Variants in GRXCR1 observed in about 807,000 individuals in gnomAD.
GRXCR1 encodes the protein glutaredoxin domain-containing cysteine-rich protein 1.
A neutral mutation model predicts 27.3 loss-of-function variants in GRXCR1; 27 were observed. The ratio of observed to expected loss-of-function variants is 0.99; its 90% CI spans 0.73 to 1.37. The LOEUF is 1.37. Ranked by LOEUF, GRXCR1 falls within the 40% of genes most tolerant of loss-of-function variation. The probability of loss-of-function intolerance (pLI) is 0.00; values close to 1 mark genes in which losing one functional copy is unlikely to be tolerated. For missense variants in GRXCR1, 379 were observed against 354.4 expected, an observed-to-expected ratio of 1.07 and a Z score of -0.56; for synonymous variants, 122 against 131.1, an observed-to-expected ratio of 0.93 and a Z score of 0.47.
At chr4:42,993,755 A>C (rs1346354017) in intron 2 of GRXCR1, among the ~76,000 whole-genome samples, 1 of 152,172 alleles carries the variant, frequency 6.6e-6, no homozygotes, top group Non-Finnish European at 1.5e-5. Flanking sequence ...AGAAAAGTCA[A>C]AAAATTGTAA....
chr4:42,969,394 C>T (rs1484559371), intron 2 of GRXCR1, among the ~76,000 whole-genome samples: 1 of 152,086 alleles, frequency 6.6e-6, no homozygotes, highest in Non-Finnish European at 1.5e-5. Context: ...TTAATTGACT[C>T]ACAGTCCTGC....
chr4:43,019,919 A>G (rs1337063532), intron 2 of GRXCR1, among the ~76,000 whole-genome samples: 1 of 152,190 alleles, frequency 6.6e-6, no homozygotes. Context: ...AGCTGCTGCT[A>G]TCTTTACATG....
chr4:42,993,680 C>T (rs564067565), intron 2 of GRXCR1, among the ~76,000 whole-genome samples: 8 of 152,062 alleles, frequency 5.3e-5, no homozygotes, highest in South Asian at 4.2e-4. Flanking sequence ...AAGTGAAAAG[C>T]GTAATCGGGT....
chr4:42,997,371 C>T (rs1306870998), intron 2 of GRXCR1, among the ~76,000 whole-genome samples: 2 of 151,944 alleles, frequency 1.3e-5, no homozygotes, highest in Non-Finnish European at 2.9e-5. Flanking sequence ...AGTGTCCTGG[C>T]TAATATTCAA....
chr4:42,988,332 T>C (rs1330602216), intron 2 of GRXCR1, among the ~76,000 whole-genome samples: 4 of 152,210 alleles, frequency 2.6e-5, no homozygotes, highest in Admixed American at 2.6e-4. Context: ...ACACCACATT[T>C]CCGTCATTTC....
chr4:42,927,799 T>C (rs2109754613), intron 1 of GRXCR1, among the ~76,000 whole-genome samples: 1 of 151,534 alleles, frequency 6.6e-6, no homozygotes, highest in African/African-American at 2.4e-5. Flanking sequence ...GGGAGGGAAA[T>C]TTTCCCCATT....
chr4:43,001,778 C>T (rs774956671), intron 2 of GRXCR1, among the ~76,000 whole-genome samples: 1 of 152,148 alleles, frequency 6.6e-6, no homozygotes, highest in African/African-American at 2.4e-5. Flanking sequence ...CACCAAGGAC[C>T]TGCACCGGCA....
chr4:42,924,756 G>A (rs1229002303), intron 1 of GRXCR1, among the ~76,000 whole-genome samples: 1 of 151,978 alleles, frequency 6.6e-6, no homozygotes, highest in East Asian at 1.9e-4. Context: ...AATGCATAAT[G>A]TACCATCAAG....
At chr4:42,938,794 C>T (rs28856656) in intron 1 of GRXCR1, among the ~76,000 whole-genome samples, 97,098 of 151,600 alleles carry the variant, frequency 0.64, 31,747 homozygotes, top group African/African-American at 0.76. Context: ...CACACATTTG[C>T]TGAAAATGAG....
At chr4:42,971,470 G>A (rs1416472506) in intron 2 of GRXCR1, among the ~76,000 whole-genome samples, 2 of 152,060 alleles carry the variant, frequency 1.3e-5, no homozygotes, top group Non-Finnish European at 2.9e-5. Flanking sequence ...TTAACAGGAA[G>A]CATGGTTGGA....
intron 1 of GRXCR1, among the ~76,000 whole-genome samples, chr4:42,904,793 G>A (rs781519721): frequency 5.9e-4 from 89 of 152,100 alleles, no homozygotes; most frequent in South Asian, 1.7e-3. Context: ...AAAAAAGCAT[G>A]ATTTCAGTCC....
At position 42,950,811 on chromosome 4, in the gene GRXCR1, T is replaced by A. The variant is rs73177720; in HGVS notation, c.385-12081T>A. Among the ~76,000 whole-genome samples the A allele has an allele frequency of 2.9e-3, 446 of 152,294 alleles. 1 individual carries two copies. Among genetic ancestry groups the A allele is most frequent in the African/African-American group, 0.01 (432 of 41,570 alleles). ...TCCTCAAATTCATACCACTACTATA[T>A]TAGTCAGCATTCTCCAGAGAAACAG... is the stretch of plus-strand genomic sequence containing the variant. On this transcript the variant is annotated intron_variant, in intron 1 of 3. Coordinates refer to ENST00000399770, the MANE Select transcript of GRXCR1 (RefSeq NM_001080476.3).
intron 1 of GRXCR1, among the ~76,000 whole-genome samples, chr4:42,918,930 T>A (rs932355113): frequency 6.6e-6 from 1 of 152,032 alleles, no homozygotes; most frequent in African/African-American, 2.4e-5. Context: ...AGAGAAGTCA[T>A]GTATCAAAAG....
At chr4:42,922,836 A>G (rs7439983) in intron 1 of GRXCR1, among the ~76,000 whole-genome samples, 68,288 of 151,836 alleles carry the variant, frequency 0.45, 15,725 homozygotes, top group African/African-American at 0.51. Flanking sequence ...ATCTTCTTTC[A>G]TATGGTGCCA....
At chr4:42,932,467 T>C (rs1484681732) in intron 1 of GRXCR1, among the ~76,000 whole-genome samples, 1 of 75,466 alleles carries the variant, frequency 1.3e-5, no homozygotes, top group African/African-American at 4.8e-5. Flanking sequence ...CATCTCTTTA[T>C]CATGCAGCCA....
chr4:42,934,772 C>T (rs1747418218), intron 1 of GRXCR1, among the ~76,000 whole-genome samples: 1 of 151,952 alleles, frequency 6.6e-6, no homozygotes, highest in South Asian at 2.1e-4. Flanking sequence ...GTGACTCATA[C>T]AGATTCATGT....
intron 1 of GRXCR1, among the ~76,000 whole-genome samples, chr4:42,914,159 G>A (rs775299780): frequency 9.2e-5 from 14 of 152,222 alleles, no homozygotes; most frequent in Non-Finnish European, 1.5e-4. Flanking sequence ...GTGGAGCTGT[G>A]AGAAGACAGC....
At chr4:42,967,275 G>T (rs1748268124) in intron 2 of GRXCR1, among the ~76,000 whole-genome samples, 2 of 152,120 alleles carry the variant, frequency 1.3e-5, no homozygotes, top group Middle Eastern at 3.4e-3. Context: ...ATGCTCAGTT[G>T]TTCTAGGCCC....
intron 1 of GRXCR1, among the ~76,000 whole-genome samples, chr4:42,930,828 ATTCC>A (rs1454469954): frequency 6.6e-5 from 10 of 152,090 alleles, no homozygotes; most frequent in Admixed American, 1.3e-4. Context: ...AGTAATGTTA[ATTCC>A]TTCCTTCCCA....
Sources: allele counts gnomAD v4.1 joint callset (sites outside exome capture counted in the v4.1 genomes callset), GRCh38; gene constraint gnomAD v4.1.1; transcripts MANE v1.5; gene names NCBI Gene and HGNC (gene_info 2026-07-23, HGNC 2026-07-21).